The following HELT variants were observed in gnomAD, a reference collection of about 807,000 sequenced individuals.
HELT encodes the protein helt bHLH transcription factor, also known as hairy and enhancer of split-related protein HELT.
HELT carries 9 observed loss-of-function variants against 19.5 expected under a neutral mutation model. That is an observed-to-expected ratio of 0.46 (90% CI 0.28 to 0.80). HELT has a LOEUF of 0.80. HELT is among the 30% of genes least tolerant of loss of function. The probability of loss-of-function intolerance (pLI) is 0.12; values close to 1 mark genes in which losing one functional copy is unlikely to be tolerated. For synonymous variants in HELT, 162 were observed against 148.3 expected, an observed-to-expected ratio of 1.09 and a Z score of -0.67; for missense variants, 366 against 326.3, an observed-to-expected ratio of 1.12 and a Z score of -0.94.
At chr4:185,019,135 G>T (rs761522686) in intron 1 of HELT, 180 bp downstream of exon 1, 2 of 1,561,526 alleles carry the variant, frequency 1.3e-6, no homozygotes, top group Admixed American at 1.8e-5. Flanking sequence ...CAACCAGGTA[G>T]AAGTCCTGCC....
At position 185,020,526 on chromosome 4, in the gene HELT, G is replaced by C. The variant is rs1205186833; in HGVS notation, c.483G>C (p.Pro161=). ...GGCCCGAATTCGCTGGTCACAGCCC[G>C]GGCGAGGCCGCTGTGTTCCCGCAGG... ...PAGPEFAGHS[P]GEAAVFPQGS... is the part of the protein sequence containing the mutation. The change falls in exon 4 of 4, where the codon CCG becomes CCC. Residue 161 remains proline, a synonymous_variant. Coordinates refer to ENST00000515777, the MANE Select transcript of HELT (RefSeq NM_001300781.2). 6.2e-7 allele frequency: 1 copy of C among 1,609,546 alleles called. No individual in the cohort carries two copies.
chr4:185,019,375 C>G lies in HELT; in HGVS notation c.28-12C>G, dbSNP rs756235709. 3 of 1,597,912 alleles carry G rather than the reference C, an allele frequency of 1.9e-6. No individual in the cohort carries two copies. The highest frequency in any genetic ancestry group is 1.7e-5 in the Admixed American group (1 of 58,910). ...GCAAAGCCATCCTAAACATACAACCCTCTCTTCGCAGAGAACCCCCGTTTC... is the reference window on the plus strand; with the variant it reads ...GCAAAGCCATCCTAAACATACAACCGTCTCTTCGCAGAGAACCCCCGTTTC... On this transcript the variant is annotated splice_polypyrimidine_tract_variant and intron_variant, in intron 1 of 3. Coordinates refer to ENST00000515777, the MANE Select transcript of HELT (RefSeq NM_001300781.2).
At chr4:185,019,149 A>G in intron 1 of HELT, 194 bp downstream of exon 1, 1 of 1,525,504 alleles carries the variant, frequency 6.6e-7, no homozygotes, top group Non-Finnish European at 8.9e-7. Flanking sequence ...TCCTGCCTGG[A>G]GGCTGGCGGC....
chr4:185,018,766 T>A lies in HELT; in HGVS notation c.-163T>A. 1 of 565,346 alleles carries A rather than the reference T, an allele frequency of 1.8e-6. No homozygotes were observed. Among genetic ancestry groups the A allele is most frequent in the Non-Finnish European group, 3.0e-6 (1 of 329,558 alleles). 35.0% of individuals were successfully genotyped at this position (565,346 alleles called of 1,614,324 possible). A position where few individuals can be genotyped will look rare whatever the true frequency, so the allele number is the denominator to read the frequency against. The stretch of plus-strand genomic sequence containing the variant: ...AGCTCCCCTAATCCTATGGAATAAT[T>A]CAACTCGTGAATGCATCTGGAGCCC... On this transcript the variant is annotated 5_prime_UTR_variant, in exon 1 of 4. Transcript: ENST00000515777.
chr4:185,019,238 C>T (rs567313154), intron 1 of HELT, 149 bp from the exon 2 acceptor site: 183 of 1,179,538 alleles, frequency 1.6e-4, no homozygotes, highest in Non-Finnish European at 2.1e-4. Flanking sequence ...GCTCACCTGG[C>T]CCGAGCGTGG....
chr4:185,019,014 C>G (rs757032852), intron 1 of HELT, 59 bp downstream of exon 1: 1 of 1,613,900 alleles, frequency 6.2e-7, no homozygotes, highest in Admixed American at 1.7e-5. Context: ...TCTGACTCAC[C>G]GACCCGCCAC....
At chr4:185,019,239 C>A in intron 1 of HELT, 148 bp from the exon 2 acceptor site, 1 of 1,171,974 alleles carries the variant, frequency 8.5e-7, no homozygotes, top group Non-Finnish European at 1.2e-6. Flanking sequence ...CTCACCTGGC[C>A]CGAGCGTGGC....
At chr4:185,019,934 C>A in intron 3 of HELT, 91 bp downstream of exon 3, 2 of 1,200,732 alleles carry the variant, frequency 1.7e-6, no homozygotes, top group African/African-American at 1.5e-5. Context: ...TGAGTGTTCC[C>A]GAGAGCTCTA....
chr4:185,020,776 C>T lies in HELT; in HGVS notation c.*4C>T. On this transcript the variant is annotated 3_prime_UTR_variant, in exon 4 of 4. Transcript: ENST00000515777. ...CCAGCACCCCCCGGTGCTCTGACGC[C>T]CACTCGCCCGCCAGATTTCTCCTCG... The T allele has an allele frequency of 1.3e-6, 2 of 1,511,802 alleles. No homozygotes were observed. The highest frequency in any genetic ancestry group is 2.6e-5 in the South Asian group (2 of 77,420). 93.6% of individuals were successfully genotyped at this position (1,511,802 alleles called of 1,614,324 possible). A position where few individuals can be genotyped will look rare whatever the true frequency, so the allele number is the denominator to read the frequency against.
Position 185,020,698 on chromosome 4 carries a change from T to C in HELT, c.655T>C (p.Tyr219His). Residue 219 changes from tyrosine (Y) to histidine (H), a missense_variant, in exon 4 of 4, where the codon TAC (tyrosine) becomes CAC (histidine). Tyr to His is a moderately conservative substitution (Grantham distance 83). Transcript: ENST00000515777. ...ACCGGTGCAGGGCCTGGACCGGCATTACCTCAACCTGATCGGCCACGCGCA... is the reference window on the plus strand; with the variant it reads ...ACCGGTGCAGGGCCTGGACCGGCATCACCTCAACCTGATCGGCCACGCGCA... ...LTPVQGLDRH[Y>H]LNLIGHAHPN... is the part of the protein sequence containing the mutation. The C allele has an allele frequency of 6.2e-7, 1 of 1,601,696 alleles. No homozygotes were observed.
At position 185,020,326 on chromosome 4, in the gene HELT, A is replaced by G; in HGVS notation, c.283A>G (p.Met95Val). 1 of 1,614,206 alleles carries G rather than the reference A, an allele frequency of 6.2e-7. No individual in the cohort carries two copies. Among genetic ancestry groups the G allele is most frequent in the Non-Finnish European group, 8.5e-7 (1 of 1,180,038 alleles). ...CTTCCACTATGGCTACCACGAGTGC[A>G]TGAAGAACCTGGTGCATTACCTCAC... ...NYFHYGYHEC[M>V]KNLVHYLTTV... The change falls in exon 4 of 4, where the codon ATG becomes GTG. Residue 95 changes from methionine (M) to valine (V), a missense_variant. Transcript: ENST00000515777.
chr4:185,019,711 C>G (rs777264333), intron 2 of HELT, 36 bp from the exon 3 acceptor site: 1 of 1,612,316 alleles, frequency 6.2e-7, no homozygotes, highest in Non-Finnish European at 8.5e-7. Context: ...CCAGCAGGCG[C>G]TGGGCCGCTG....
Position 185,019,727 on chromosome 4 carries a change from G to C in HELT, c.133-20G>C. The C allele has an allele frequency of 6.2e-7, 1 of 1,612,984 alleles. No individual in the cohort carries two copies. The highest frequency in any genetic ancestry group is 8.5e-7 in the Non-Finnish European group (1 of 1,179,866). On this transcript the variant is annotated intron_variant, in intron 2 of 3. Transcript: ENST00000515777. ...CAGCAGGCGCTGGGCCGCTGCGAGG[G>C]GCCCTTCCTCCTTTTGCAGAGTTCC...
At chr4:185,019,212 G>A (rs1579158828) in intron 1 of HELT, 175 bp from the exon 2 acceptor site, 2 of 1,289,496 alleles carry the variant, frequency 1.6e-6, no homozygotes, top group East Asian at 5.0e-5. Flanking sequence ...CGCCAGCGCG[G>A]GCGTCAGAAG....
Position 185,020,534 on chromosome 4 carries a change from C to A in HELT, c.491C>A (p.Ala164Asp). The change falls in exon 4 of 4, where the codon GCC becomes GAC. Residue 164 changes from alanine (A) to aspartate (D), a missense_variant. Transcript: ENST00000515777. ...PEFAGHSPGEAAVFPQGSGAG... is the reference protein window; with the variant it reads ...PEFAGHSPGEDAVFPQGSGAG... ...TTCGCTGGTCACAGCCCGGGCGAGG[C>A]CGCTGTGTTCCCGCAGGGCTCTGGT... 6.2e-7 allele frequency: 1 copy of A among 1,608,280 alleles called. No individual in the cohort carries two copies.
intron 2 of HELT, 48 bp from the exon 3 acceptor site, chr4:185,019,699 G>T: frequency 1.2e-6 from 2 of 1,611,646 alleles, no homozygotes; most frequent in South Asian, 1.1e-5. Flanking sequence ...CACAGTGCCC[G>T]ACCAGCAGGC....
rs1190780031 is a variant in HELT, at chr4:185,018,506, C to T, written c.-423C>T. Reference sequence around the variant, plus strand: ...CCGCGGCCGCTGCGCCCCTGCGCTCCGCGCCCGCGACTGCTGCAGGCGCTT... The same window carrying T: ...CCGCGGCCGCTGCGCCCCTGCGCTCTGCGCCCGCGACTGCTGCAGGCGCTT... On this transcript the variant is annotated 5_prime_UTR_variant, in exon 1 of 4. Transcript: ENST00000515777. Among the ~76,000 whole-genome samples the T allele has an allele frequency of 6.6e-6, 1 of 152,072 alleles. No homozygotes were observed. The highest frequency in any genetic ancestry group is 1.5e-5 in the Non-Finnish European group (1 of 67,998).
At chr4:185,019,019 C>A (rs1733977694) in intron 1 of HELT, 64 bp downstream of exon 1, 1 of 1,614,032 alleles carries the variant, frequency 6.2e-7, no homozygotes. Flanking sequence ...CTCACCGACC[C>A]GCCACTTGGG....
intron 3 of HELT, 139 bp from the exon 4 acceptor site, chr4:185,020,134 T>G (rs1182291826): frequency 7.8e-7 from 1 of 1,275,110 alleles, no homozygotes; most frequent in Non-Finnish European, 1.1e-6. Flanking sequence ...TCTCTAAGAC[T>G]GCGCAGAGGA....
Sources: allele counts gnomAD v4.1 joint callset (sites outside exome capture counted in the v4.1 genomes callset), GRCh38; gene constraint gnomAD v4.1.1; transcripts MANE v1.5; gene names NCBI Gene and HGNC (gene_info 2026-07-23, HGNC 2026-07-21).